PPARD: variants seen among roughly 807,000 people sequenced by gnomAD.
The protein encoded by PPARD is peroxisome proliferator activated receptor delta.
Under a neutral mutation model 39.5 loss-of-function variants are expected in PPARD, and 6 were observed. That is an observed-to-expected ratio of 0.15 (90% CI 0.08 to 0.30). PPARD has a LOEUF of 0.30. Among genes scored for constraint, PPARD ranks in the 10% least tolerant of loss-of-function variants. The pLI, the probability that PPARD is intolerant of heterozygous loss-of-function variation, is 1.00. For missense variants in PPARD, 397 were observed against 596.8 expected (o/e 0.67, Z 3.49); for synonymous variants, 210 against 231.3 (o/e 0.91, Z 0.83).
intron 2 of PPARD, among the ~76,000 whole-genome samples, chr6:35,398,490 G>A (rs1260596467): frequency 6.6e-6 from 1 of 152,188 alleles, no homozygotes; most frequent in Non-Finnish European, 1.5e-5. Context: ...ACATCCGTGT[G>A]GAGGTGTCAG....
chr6:35,354,088 T>C (rs1761418111), intron 2 of PPARD, among the ~76,000 whole-genome samples: 1 of 151,504 alleles, frequency 6.6e-6, no homozygotes, highest in Admixed American at 6.6e-5. Context: ...AAAAATTAGC[T>C]GGGCGTGGTG....
Position 35,385,021 on chromosome 6 carries a change from A to G in PPARD, c.-101-25966A>G, listed in dbSNP as rs1763521107. 1.4e-5 allele frequency among the ~76,000 whole-genome samples: 2 copies of G among 142,510 alleles called. 1 individual carries two copies. Among genetic ancestry groups the G allele is most frequent in the African/African-American group, 5.7e-5 (2 of 34,940 alleles). 93.5% of individuals were successfully genotyped at this position (142,510 alleles called of 152,430 possible). Reference sequence around the variant, plus strand: ...GTCCGGGAGGGAGGTGGGAGGGGTCAGCCCCCCACCCGGCCAGCCGCCCCG... The same window carrying G: ...GTCCGGGAGGGAGGTGGGAGGGGTCGGCCCCCCACCCGGCCAGCCGCCCCG... On this transcript the variant is annotated intron_variant, in intron 2 of 7. Transcript: ENST00000360694.
intron 2 of PPARD, among the ~76,000 whole-genome samples, chr6:35,381,689 A>G (rs574099361): frequency 6.6e-6 from 1 of 152,362 alleles, no homozygotes; most frequent in East Asian, 1.9e-4. Context: ...CCTTGCCTCC[A>G]TTAGTTGCAA....
intron 2 of PPARD, among the ~76,000 whole-genome samples, chr6:35,388,458 A>G (rs760978725): frequency 1.2e-4 from 19 of 152,138 alleles, no homozygotes; most frequent in Non-Finnish European, 2.5e-4. Flanking sequence ...TCACACCTGT[A>G]CCCAGCACTT....
intron 2 of PPARD, among the ~76,000 whole-genome samples, chr6:35,384,127 G>C: frequency 6.8e-6 from 1 of 146,410 alleles, no homozygotes; most frequent in Non-Finnish European, 1.5e-5. Flanking sequence ...CCCCGTCCGG[G>C]AGGTGAGGGG....
intron 3 of PPARD, among the ~76,000 whole-genome samples, chr6:35,417,702 T>A (rs1765870546): frequency 6.6e-6 from 1 of 152,024 alleles, no homozygotes; most frequent in African/African-American, 2.4e-5. Context: ...CAGCTAATTT[T>A]TGTATTTTTA....
chr6:35,380,305 A>AT (rs1196507128), intron 2 of PPARD, among the ~76,000 whole-genome samples: 2 of 152,064 alleles, frequency 1.3e-5, no homozygotes, highest in East Asian at 3.9e-4. Flanking sequence ...ATGGTCCAAA[A>AT]TGGTTGCCGT....
rs775098124 is a variant in PPARD at position 35,425,851 on chromosome 6, C to T, written c.1098C>T (p.Asn366=). Residue 366 remains asparagine, a synonymous_variant, in exon 8 of 8, where the codon AAC becomes AAT. Coordinates refer to ENST00000360694, the MANE Select transcript of PPARD (RefSeq NM_006238.5). This position sits in a 1 kb window ranked among gnomAD's most constrained non-coding sequence, Gnocchi z 4.5. ...CCACAGACCGGCCAGGCCTCATGAA[C>T]GTTCCACGGGTGGAGGCTATCCAGG... ...ILCGDRPGLM[N]VPRVEAIQDT... 2.5e-6 allele frequency: 4 copies of T among 1,614,068 alleles called. No homozygotes were observed. The highest frequency in any genetic ancestry group is 1.7e-5 in the Admixed American group (1 of 60,012).
At chr6:35,394,883 T>A (rs1371063714) in intron 2 of PPARD, among the ~76,000 whole-genome samples, 1 of 151,864 alleles carries the variant, frequency 6.6e-6, no homozygotes, top group African/African-American at 2.4e-5. Context: ...TTACATTTGC[T>A]CCCTCATCTC....
intron 2 of PPARD, among the ~76,000 whole-genome samples, chr6:35,350,699 C>T (rs1433728715): frequency 6.7e-6 from 1 of 148,336 alleles, no homozygotes; most frequent in East Asian, 2.0e-4. Context: ...GATGTTGGCT[C>T]ACTGCAGCCT....
chr6:35,421,380 C>T (rs1473645268), intron 4 of PPARD, among the ~76,000 whole-genome samples: 1 of 151,820 alleles, frequency 6.6e-6, no homozygotes, highest in Non-Finnish European at 1.5e-5. Context: ...TCTTGTTGTC[C>T]AGGCTGGAGT....
chr6:35,365,003 C>G (rs550488819), intron 2 of PPARD, among the ~76,000 whole-genome samples: 7 of 152,024 alleles, frequency 4.6e-5, no homozygotes, highest in African/African-American at 1.7e-4. Context: ...GCCACCGCGC[C>G]CGGCCCCAAG....
chr6:35,395,609 G>A (rs948583101), intron 2 of PPARD, among the ~76,000 whole-genome samples: 2 of 152,226 alleles, frequency 1.3e-5, no homozygotes, highest in Non-Finnish European at 2.9e-5. Flanking sequence ...ATGGGTTTGG[G>A]GAGGAAAAGG....
At position 35,401,377 on chromosome 6, in the gene PPARD, G is replaced by A. The variant is rs956445218; in HGVS notation, c.-101-9610G>A. On this transcript the variant is annotated intron_variant, in intron 2 of 7. Coordinates refer to ENST00000360694, the MANE Select transcript of PPARD (RefSeq NM_006238.5). The surrounding 1 kb of genome is among the most constrained non-coding windows in gnomAD (Gnocchi z 4.1). The stretch of plus-strand genomic sequence containing the variant: ...TTCAGTCTGTTATCACCTTCAGTCT[G>A]TTCTCATCTTCAGTCTGTTCTCCAC... Among the ~76,000 whole-genome samples, 1 of 152,152 alleles carries A rather than the reference G, an allele frequency of 6.6e-6. No individual in the cohort carries two copies. The highest frequency in any genetic ancestry group is 2.1e-4 in the South Asian group (1 of 4,836).
At chr6:35,355,595 C>CTTTTTTTTTTTTTT (rs1442980844) in intron 2 of PPARD, among the ~76,000 whole-genome samples, 2 of 50,444 alleles carry the variant, frequency 4.0e-5, no homozygotes, top group African/African-American at 1.4e-4. Flanking sequence ...TCTTCTTCTT[C>CTTTTTTTTTTTTTT]TTCTTTTTTT....
At chr6:35,355,853 C>T (rs961088530) in intron 2 of PPARD, among the ~76,000 whole-genome samples, 9 of 151,518 alleles carry the variant, frequency 5.9e-5, no homozygotes, top group African/African-American at 1.5e-4. Flanking sequence ...CCTTGTGATC[C>T]GCCCGTCTCA....
intron 4 of PPARD, among the ~76,000 whole-genome samples, chr6:35,421,152 G>C (rs963196194): frequency 6.6e-5 from 10 of 151,712 alleles, no homozygotes; most frequent in Admixed American, 1.3e-4. Flanking sequence ...TAATAGGGAC[G>C]GGGTTTCACC....
At chr6:35,411,392 C>G (rs1765420954) in intron 3 of PPARD, among the ~76,000 whole-genome samples, 175 bp downstream of exon 3, 1 of 152,228 alleles carries the variant, frequency 6.6e-6, no homozygotes, top group African/African-American at 2.4e-5. Flanking sequence ...CTGCCACTCA[C>G]CAGCAGTGGG....
intron 2 of PPARD, among the ~76,000 whole-genome samples, chr6:35,378,157 T>G (rs558784277): frequency 5.2e-4 from 79 of 152,246 alleles, no homozygotes; most frequent in African/African-American, 1.6e-3. Context: ...CTACTGCGCC[T>G]GGCCACGTAT....
Sources: gnomAD v4.1 joint callset for allele counts (sites outside exome capture counted in the v4.1 genomes callset) on GRCh38, gnomAD v4.1.1 for gene constraint, Gnocchi (gnomAD v3.1) non-coding constraint, MANE v1.5 for transcripts, NCBI Gene and HGNC (gene_info 2026-07-23, HGNC 2026-07-21) for gene names.